SPON1: variants seen among roughly 807,000 people sequenced by gnomAD.
SPON1 encodes the protein spondin-1.
In SPON1, 52 loss-of-function variants were observed where a neutral mutation model predicts 111.7. That is an observed-to-expected ratio of 0.47 (90% CI 0.37 to 0.59). The LOEUF (loss-of-function observed/expected upper bound fraction) is 0.59. SPON1 is among the 20% of genes least tolerant of loss of function. The pLI, the probability that SPON1 is intolerant of heterozygous loss-of-function variation, is 0.00. For synonymous variants in SPON1, 410 were observed against 395.8 expected (o/e 1.04, Z -0.43); for missense variants, 957 against 1,068.5 (o/e 0.90, Z 1.46).
intron 1 of SPON1, among the ~76,000 whole-genome samples, chr11:13,975,729 C>T (rs1156590737): frequency 6.6e-6 from 1 of 152,148 alleles, no homozygotes; most frequent in Non-Finnish European, 1.5e-5. Context: ...AGAATCGTCC[C>T]CAAAGCCAAT....
chr11:13,968,735 G>A (rs1159864192), intron 1 of SPON1, among the ~76,000 whole-genome samples: 3 of 152,090 alleles, frequency 2.0e-5, no homozygotes, highest in African/African-American at 7.2e-5. Flanking sequence ...GTGGACTGGG[G>A]GGAGAGGAAG....
At chr11:13,998,221 G>A (rs148878775) in intron 2 of SPON1, among the ~76,000 whole-genome samples, 1 of 152,172 alleles carries the variant, frequency 6.6e-6, no homozygotes, top group Admixed American at 6.5e-5. Context: ...AGCATTGATC[G>A]ATGGCACAGA....
chr11:14,201,118 A>T (rs1848457402), intron 6 of SPON1, among the ~76,000 whole-genome samples: 1 of 152,068 alleles, frequency 6.6e-6, no homozygotes, highest in African/African-American at 2.4e-5. Flanking sequence ...GGGCGGGTAG[A>T]TCACAAGGTC....
At chr11:14,025,512 T>G (rs554494285) in intron 2 of SPON1, among the ~76,000 whole-genome samples, 1 of 152,124 alleles carries the variant, frequency 6.6e-6, no homozygotes, top group Non-Finnish European at 1.5e-5. Flanking sequence ...CCTTAGGAGG[T>G]CACTGCTGCC....
At chr11:14,263,270 T>C (rs1849211347) in intron 15 of SPON1, among the ~76,000 whole-genome samples, 1 of 152,136 alleles carries the variant, frequency 6.6e-6, no homozygotes, top group Non-Finnish European at 1.5e-5. Context: ...GGAATTACAG[T>C]TCCTTCTTTA....
At position 14,265,648 on chromosome 11, in the gene SPON1, CAAG is replaced by C. The variant is rs1389719607; in HGVS notation, c.2389_2391del (p.Lys797del). 1.2e-5 allele frequency: 19 copies of C among 1,613,706 alleles called. No individual in the cohort carries two copies. The highest frequency in any genetic ancestry group is 1.7e-5 in the Admixed American group (1 of 60,004). On this transcript the variant is annotated inframe_deletion, in exon 16 of 16. Transcript: ENST00000576479. ...GCTCCCAGTTTACCAGCTGCAAAGA[CAAG>C]AAGGAGATCAGAGCATGCAATGTTC...
chr11:14,194,746 G>A lies in SPON1; in HGVS notation c.826-48586G>A, dbSNP rs73426143. ...AGTTGTTATCAAACTGCAAGTAAAG[G>A]GATTCTTCTAAAAATGATTTTAGGG... On this transcript the variant is annotated intron_variant, in intron 6 of 15. Transcript: ENST00000576479. Among the ~76,000 whole-genome samples the A allele has an allele frequency of 2.3e-3, 351 of 152,192 alleles. 1 individual carries two copies. Among genetic ancestry groups the A allele is most frequent in the African/African-American group, 8.3e-3 (343 of 41,512 alleles).
At chr11:14,218,383 T>C (rs1165925450) in intron 6 of SPON1, among the ~76,000 whole-genome samples, 1 of 152,154 alleles carries the variant, frequency 6.6e-6, no homozygotes, top group African/African-American at 2.4e-5. Context: ...TGAATGCAGC[T>C]CCAGCACCTG....
Position 14,009,705 on chromosome 11 carries a change from C to G in SPON1, c.345+26752C>G, listed in dbSNP as rs371880183. On this transcript the variant is annotated intron_variant, in intron 2 of 15. Transcript: ENST00000576479. Reference sequence around the variant, plus strand: ...AATTTATTGCTTACAATTCTGGAGGCTGAGCAGTCCAAGATCAAGGCACCA... The same window carrying G: ...AATTTATTGCTTACAATTCTGGAGGGTGAGCAGTCCAAGATCAAGGCACCA... 5.3e-5 allele frequency among the ~76,000 whole-genome samples: 8 copies of G among 152,196 alleles called. No homozygotes were observed. In the East Asian group the frequency reaches 9.6e-4, roughly 18 times the overall value.
chr11:14,122,245 C>A (rs1847399167), intron 5 of SPON1, among the ~76,000 whole-genome samples: 1 of 152,116 alleles, frequency 6.6e-6, no homozygotes, highest in Non-Finnish European at 1.5e-5. Context: ...ACGATCTCGG[C>A]CCACTGCAAG....
chr11:14,249,348 G>A (rs1179864599), intron 7 of SPON1, among the ~76,000 whole-genome samples: 5 of 152,198 alleles, frequency 3.3e-5, no homozygotes, highest in African/African-American at 1.2e-4. Context: ...TCCTCGGGAT[G>A]CTAAAGGAAG....
chr11:14,010,717 G>T (rs1287851830), intron 2 of SPON1, among the ~76,000 whole-genome samples: 1 of 152,154 alleles, frequency 6.6e-6, no homozygotes, highest in Non-Finnish European at 1.5e-5. Context: ...ACTCTCTGAG[G>T]CAAGTAAGGC....
chr11:14,127,281 A>C (rs1444112569), intron 5 of SPON1, among the ~76,000 whole-genome samples: 5 of 146,828 alleles, frequency 3.4e-5, no homozygotes, highest in South Asian at 2.2e-4. Flanking sequence ...CAAGACTAGA[A>C]TATACATAGA....
intron 6 of SPON1, among the ~76,000 whole-genome samples, chr11:14,203,394 C>T (rs1216676038): frequency 6.6e-6 from 1 of 152,146 alleles, no homozygotes; most frequent in Non-Finnish European, 1.5e-5. Context: ...AATACCAGGG[C>T]AGGATTTGGC....
chr11:14,006,916 A>G (rs1315216971), intron 2 of SPON1, among the ~76,000 whole-genome samples: 4 of 152,238 alleles, frequency 2.6e-5, no homozygotes, highest in Non-Finnish European at 5.9e-5. Flanking sequence ...AAATTTAATT[A>G]TCTTACAATT....
intron 1 of SPON1, among the ~76,000 whole-genome samples, chr11:13,976,582 C>T (rs1333208030): frequency 2.0e-5 from 3 of 152,146 alleles, no homozygotes; most frequent in African/African-American, 4.8e-5. Context: ...CTAGAACCTA[C>T]AGGAATGCAG....
chr11:14,047,915 T>G (rs955305593), intron 3 of SPON1, among the ~76,000 whole-genome samples: 2 of 152,186 alleles, frequency 1.3e-5, no homozygotes, highest in African/African-American at 2.4e-5. Context: ...AACAGTGGAC[T>G]GACACACTGG....
At chr11:14,204,469 G>T (rs967705724) in intron 6 of SPON1, among the ~76,000 whole-genome samples, 4 of 151,656 alleles carry the variant, frequency 2.6e-5, no homozygotes, top group Non-Finnish European at 5.9e-5. Context: ...TTAATTTTTT[G>T]TAGGGACAAG....
At chr11:14,063,289 T>C (rs1305867866) in intron 3 of SPON1, among the ~76,000 whole-genome samples, 1 of 152,166 alleles carries the variant, frequency 6.6e-6, no homozygotes, top group Non-Finnish European at 1.5e-5. Flanking sequence ...TGGTTTACCA[T>C]TAAAATAAAA....
Sources: allele counts gnomAD v4.1 joint callset (sites outside exome capture counted in the v4.1 genomes callset), GRCh38; gene constraint gnomAD v4.1.1; transcripts MANE v1.5; gene names NCBI Gene and HGNC (gene_info 2026-07-23, HGNC 2026-07-21).